GRB10: variants seen among roughly 807,000 people sequenced by gnomAD.
GRB10 encodes growth factor receptor-bound protein 10.
Under a neutral mutation model 80.9 loss-of-function variants are expected in GRB10, and 20 were observed. That is an observed-to-expected ratio of 0.25 (90% CI 0.17 to 0.36). The LOEUF is 0.36. Ranked by LOEUF, GRB10 falls within the 10% of genes least tolerant of loss-of-function variation. GRB10 has a pLI of 1.00. For synonymous variants in GRB10, 291 were observed against 291.5 expected (o/e 1.00, Z 0.02); for missense variants, 548 against 747.7 (o/e 0.73, Z 3.12).
At chr7:50,727,790 T>A (rs569937003) in intron 4 of GRB10, 1 of 152,230 alleles carries the variant, frequency 6.6e-6, no homozygotes, top group African/African-American at 2.4e-5. Context: ...AAAAATCACA[T>A]ACCAGCTCAT....
chr7:50,775,551 A>G (rs182979238), intron 2 of GRB10, among the ~76,000 whole-genome samples: 55 of 152,258 alleles, frequency 3.6e-4, no homozygotes, highest in African/African-American at 1.2e-3. Context: ...TCCTTGTGGG[A>G]GCTCGCTAGT....
At chr7:50,597,675 C>A (rs2046903438) in intron 17 of GRB10, among the ~76,000 whole-genome samples, 1 of 152,206 alleles carries the variant, frequency 6.6e-6, no homozygotes, top group Non-Finnish European at 1.5e-5. Flanking sequence ...CCTGGGAAGT[C>A]CCAAGGCTGC....
chr7:50,781,779 T>A (rs1441978106), intron 1 of GRB10, among the ~76,000 whole-genome samples: 1 of 152,238 alleles, frequency 6.6e-6, no homozygotes, highest in Non-Finnish European at 1.5e-5. Context: ...TCCTACGTGT[T>A]CATATGCACA....
rs1188250403 is a variant in GRB10 at position 50,782,614 on chromosome 7, C to A, written c.-517G>T. On this transcript the variant is annotated 5_prime_UTR_variant, in exon 1 of 19. Coordinates refer to ENST00000401949, the MANE Select transcript of GRB10 (RefSeq NM_001350814.2). This position sits in a 1 kb window ranked among gnomAD's most constrained non-coding sequence, Gnocchi z 6.6. ...GCCAGGGGCCTGCGGCGCAGAAAACCGACCCGGGGCCTCGGGGCCACCGCG... is the reference window on the plus strand; with the variant it reads ...GCCAGGGGCCTGCGGCGCAGAAAACAGACCCGGGGCCTCGGGGCCACCGCG... 1 of 151,492 alleles carries A rather than the reference C, an allele frequency of 6.6e-6. No homozygotes were observed. The highest frequency in any genetic ancestry group is 6.6e-5 in the Admixed American group (1 of 15,212). 9.4% of individuals were successfully genotyped at this position (151,492 alleles called of 1,614,324 possible).
intron 17 of GRB10, among the ~76,000 whole-genome samples, chr7:50,597,064 G>C (rs147996812): frequency 2.0e-5 from 3 of 152,322 alleles, no homozygotes; most frequent in Admixed American, 2.0e-4. Flanking sequence ...TGTGAAGATG[G>C]AAAGCAGTTA....
At chr7:50,704,905 T>C (rs1345920204) in intron 4 of GRB10, among the ~76,000 whole-genome samples, 1 of 152,170 alleles carries the variant, frequency 6.6e-6, no homozygotes, top group Non-Finnish European at 1.5e-5. Context: ...CCGGCTGTTC[T>C]GGGTCTCGAA....
chr7:50,658,634 T>G (rs916323863), intron 7 of GRB10, among the ~76,000 whole-genome samples: 1 of 152,232 alleles, frequency 6.6e-6, no homozygotes, highest in African/African-American at 2.4e-5. Flanking sequence ...TTTCCAATGC[T>G]CTTGACAGCT....
chr7:50,692,425 T>A (rs969665144), intron 5 of GRB10, among the ~76,000 whole-genome samples: 1 of 152,170 alleles, frequency 6.6e-6, no homozygotes. Flanking sequence ...GTCTTCCTGC[T>A]TGAGTTCCTG....
intron 7 of GRB10, among the ~76,000 whole-genome samples, chr7:50,640,121 G>A (rs888190243): frequency 6.6e-6 from 1 of 152,176 alleles, no homozygotes; most frequent in Non-Finnish European, 1.5e-5. Context: ...CCCAAACAGG[G>A]GCAGGGCCCT....
intron 12 of GRB10, among the ~76,000 whole-genome samples, chr7:50,613,646 G>A (rs1306564258): frequency 1.3e-5 from 2 of 152,236 alleles, no homozygotes; most frequent in African/African-American, 2.4e-5. Flanking sequence ...GAGAAGCAGA[G>A]ACTGCGTTTG....
chr7:50,631,080 T>C (rs1017546219), intron 7 of GRB10, among the ~76,000 whole-genome samples: 14 of 152,134 alleles, frequency 9.2e-5, no homozygotes, highest in African/African-American at 2.7e-4. Flanking sequence ...ACGGGGTTGT[T>C]GTGTGTGTGG....
chr7:50,771,134 A>G (rs1259706794), intron 2 of GRB10, among the ~76,000 whole-genome samples: 1 of 152,226 alleles, frequency 6.6e-6, no homozygotes, highest in African/African-American at 2.4e-5. Context: ...GTAAGAGTCC[A>G]TGGAGACTTC....
chr7:50,660,421 G>A (rs2059138866), intron 7 of GRB10, among the ~76,000 whole-genome samples: 1 of 152,186 alleles, frequency 6.6e-6, no homozygotes, highest in African/African-American at 2.4e-5. Context: ...CGGCAAGAGG[G>A]GAGGCAGCCG....
At chr7:50,608,964 CAAAAAAA>C (rs60832218) in intron 13 of GRB10, among the ~76,000 whole-genome samples, 3 of 100,330 alleles carry the variant, frequency 3.0e-5, no homozygotes, top group African/African-American at 1.2e-4. Flanking sequence ...GACCCTGACT[CAAAAAAA>C]AAAAAAAAAA....
chr7:50,702,823 A>G (rs577081692), intron 5 of GRB10, among the ~76,000 whole-genome samples: 1 of 152,382 alleles, frequency 6.6e-6, no homozygotes, highest in South Asian at 2.1e-4. Context: ...TAAGCCTTAA[A>G]GAGTTCTTTC....
intron 4 of GRB10, among the ~76,000 whole-genome samples, chr7:50,715,833 C>G (rs2066766465): frequency 6.6e-6 from 1 of 152,206 alleles, no homozygotes; most frequent in African/African-American, 2.4e-5. Flanking sequence ...AAAACTGAAA[C>G]AGTTTTCATA....
chr7:50,687,246 G>T (rs574197212), intron 5 of GRB10, among the ~76,000 whole-genome samples: 1 of 152,328 alleles, frequency 6.6e-6, no homozygotes, highest in South Asian at 2.1e-4. Flanking sequence ...TGGATGGCAT[G>T]TGTCCAAAGA....
intron 3 of GRB10, among the ~76,000 whole-genome samples, chr7:50,738,804 C>T (rs1470714033): frequency 5.3e-5 from 8 of 152,106 alleles, no homozygotes; most frequent in African/African-American, 1.9e-4. Flanking sequence ...TCTCATTAAC[C>T]GTTGTCAGAT....
chr7:50,683,573 T>C (rs1045840504), intron 5 of GRB10, among the ~76,000 whole-genome samples: 3 of 151,826 alleles, frequency 2.0e-5, no homozygotes, highest in African/African-American at 7.3e-5. Context: ...CCTGTCTCTA[T>C]TAAAAATACA....
Sources: allele counts gnomAD v4.1 joint callset (sites outside exome capture counted in the v4.1 genomes callset), GRCh38; gene constraint gnomAD v4.1.1; non-coding constraint Gnocchi (gnomAD v3.1); transcripts MANE v1.5; gene names NCBI Gene and HGNC (gene_info 2026-07-23, HGNC 2026-07-21).